The following KCND3 variants were observed in gnomAD, a reference collection of about 807,000 sequenced individuals.
KCND3 encodes A-type voltage-gated potassium channel KCND3.
Under a neutral mutation model 51.1 loss-of-function variants are expected in KCND3, and 9 were observed. That is an observed-to-expected ratio of 0.18 (90% CI 0.11 to 0.31). KCND3 has a LOEUF of 0.31. Among genes scored for constraint, KCND3 ranks in the 10% least tolerant of loss-of-function variants. The pLI is 1.00. For synonymous variants in KCND3, 349 were observed against 368.0 expected (o/e 0.95, Z 0.59); for missense variants, 526 against 903.8 (o/e 0.58, Z 5.36).
intron 2 of KCND3, among the ~76,000 whole-genome samples, chr1:111,888,459 G>A (rs1669666873): frequency 6.6e-6 from 1 of 152,186 alleles, no homozygotes; most frequent in Admixed American, 6.5e-5. Flanking sequence ...GCCAAGGCGG[G>A]TGGATCACCT....
In KCND3 at chr1:111,926,061, G is replaced by A. The variant is rs146079319; in HGVS notation, c.1106+55560C>T. 2.6e-5 allele frequency among the ~76,000 whole-genome samples: 4 copies of A among 152,280 alleles called. No homozygotes were observed. The East Asian group carries it at 7.7e-4, about 29-fold the overall frequency. The stretch of plus-strand genomic sequence containing the variant: ...AGAAACAATTATGCATACCATTAAG[G>A]ATGTTATCAGGGTAACTTTGCAGTG... On this transcript the variant is annotated intron_variant, in intron 2 of 7. Coordinates refer to ENST00000302127, the MANE Select transcript of KCND3 (RefSeq NM_001378969.1).
chr1:111,804,283 A>C (rs1557946811), intron 2 of KCND3, among the ~76,000 whole-genome samples: 3 of 152,146 alleles, frequency 2.0e-5, no homozygotes, highest in Non-Finnish European at 4.4e-5. Context: ...GTCAATATTT[A>C]GTTTAATTTA....
chr1:111,838,368 A>G (rs983338427), intron 2 of KCND3, among the ~76,000 whole-genome samples: 1 of 152,202 alleles, frequency 6.6e-6, no homozygotes, highest in African/African-American at 2.4e-5. Context: ...CATGGCTTCT[A>G]TCTTTTACTG....
intron 2 of KCND3, among the ~76,000 whole-genome samples, chr1:111,806,978 T>C (rs139272848): frequency 2.1e-3 from 326 of 152,318 alleles, no homozygotes; most frequent in African/African-American, 7.5e-3. Flanking sequence ...GAATTTGGAT[T>C]AAGGAATTTG....
chr1:111,970,506 C>T (rs557614732), intron 2 of KCND3, among the ~76,000 whole-genome samples: 1 of 152,324 alleles, frequency 6.6e-6, no homozygotes, highest in South Asian at 2.1e-4. Context: ...CCACCTCCTC[C>T]AAGAAGCCTT....
At chr1:111,967,010 C>G (rs184575394) in intron 2 of KCND3, among the ~76,000 whole-genome samples, 1 of 151,906 alleles carries the variant, frequency 6.6e-6, no homozygotes, top group African/African-American at 2.4e-5. Context: ...CATGGTAGCG[C>G]ATGCCTGTAA....
chr1:111,775,884 G>T lies in KCND3; in HGVS notation c.*193C>A. Reference sequence around the variant, plus strand: ...TGCAGTATCACAGGGCTATGTCCACGCTAGCAGCGTGAACCTCAGGTGCCC... The same window carrying T: ...TGCAGTATCACAGGGCTATGTCCACTCTAGCAGCGTGAACCTCAGGTGCCC... On this transcript the variant is annotated 3_prime_UTR_variant, in exon 8 of 8. Coordinates refer to ENST00000302127, the MANE Select transcript of KCND3 (RefSeq NM_001378969.1). The T allele has an allele frequency of 2.1e-6, 1 of 467,056 alleles. No individual in the cohort carries two copies. The highest frequency in any genetic ancestry group is 4.9e-5 in the East Asian group (1 of 20,480). The allele number at this position is 467,056 out of a possible 1,614,324, so 28.9% of individuals were successfully genotyped here. A position where few individuals can be genotyped will look rare whatever the true frequency, so the allele number is the denominator to read the frequency against.
chr1:111,812,131 C>T (rs2101575861), intron 2 of KCND3, among the ~76,000 whole-genome samples: 1 of 152,292 alleles, frequency 6.6e-6, no homozygotes, highest in Non-Finnish European at 1.5e-5. Flanking sequence ...CTGGTAGATG[C>T]TCAGTGAGCA....
intron 1 of KCND3, among the ~76,000 whole-genome samples, chr1:111,988,345 G>C (rs1273633390): frequency 6.6e-6 from 1 of 152,118 alleles, no homozygotes; most frequent in Non-Finnish European, 1.5e-5. Context: ...CCACTCCTAG[G>C]CTAGCCAGGG....
At chr1:111,824,223 C>T (rs1288855405) in intron 2 of KCND3, among the ~76,000 whole-genome samples, 1 of 151,958 alleles carries the variant, frequency 6.6e-6, no homozygotes, top group Non-Finnish European at 1.5e-5. Flanking sequence ...ACTGACAGCT[C>T]CACGTGGAGA....
chr1:111,828,471 TAGGCCAG>T (rs1426598713), intron 2 of KCND3, among the ~76,000 whole-genome samples: 1 of 151,882 alleles, frequency 6.6e-6, no homozygotes, highest in East Asian at 1.9e-4. Flanking sequence ...TTGCCCTAGT[TAGGCCAG>T]ATTCCTCACT....
chr1:111,905,723 A>G (rs1384817860), intron 2 of KCND3, among the ~76,000 whole-genome samples: 4 of 152,214 alleles, frequency 2.6e-5, no homozygotes. Context: ...CACATGGTCC[A>G]GTGAGTCTCA....
rs987195846 is a variant in KCND3, at chr1:111,973,593, T to C, written c.1106+8028A>G. Reference sequence around the variant, plus strand: ...ATTTTGCAGTGATAGCTAGATAATGTAGGGGGGAAGTTCCCCTTTTCCACT... The same window carrying C: ...ATTTTGCAGTGATAGCTAGATAATGCAGGGGGGAAGTTCCCCTTTTCCACT... On this transcript the variant is annotated intron_variant, in intron 2 of 7. Coordinates refer to ENST00000302127, the MANE Select transcript of KCND3 (RefSeq NM_001378969.1). 8.5e-5 allele frequency among the ~76,000 whole-genome samples: 13 copies of C among 152,176 alleles called. No homozygotes were observed. The South Asian group carries it at 2.7e-3, about 32-fold the overall frequency.
At chr1:111,887,838 G>A (rs1457593528) in intron 2 of KCND3, among the ~76,000 whole-genome samples, 1 of 152,228 alleles carries the variant, frequency 6.6e-6, no homozygotes, top group Non-Finnish European at 1.5e-5. Flanking sequence ...CTTGTCATTT[G>A]GAGAGGGCTC....
intron 2 of KCND3, among the ~76,000 whole-genome samples, chr1:111,942,135 A>G (rs1377960867): frequency 6.6e-6 from 1 of 152,228 alleles, no homozygotes; most frequent in Non-Finnish European, 1.5e-5. Flanking sequence ...GCACATGTTC[A>G]TTGGGCATGT....
chr1:111,783,171 T>C (rs909834734), intron 3 of KCND3, among the ~76,000 whole-genome samples: 1 of 144,566 alleles, frequency 6.9e-6, no homozygotes, highest in Admixed American at 7.0e-5. Context: ...AAAAGAGAGC[T>C]TGGAGATCAT....
rs749556365 is a variant in KCND3, at chr1:111,982,266, T to G, written c.461A>C (p.Glu154Ala). 1 of 1,614,126 alleles carries G rather than the reference T, an allele frequency of 6.2e-7. No individual in the cohort carries two copies. The highest frequency in any genetic ancestry group is 8.5e-7 in the Non-Finnish European group (1 of 1,180,016). ...CGAGGGCATGGACTCCTGGTTGTTCTCCGAGTCGTTGTCGTCCATGAGCCG... is the reference window on the plus strand; with the variant it reads ...CGAGGGCATGGACTCCTGGTTGTTCGCCGAGTCGTTGTCGTCCATGAGCCG... The part of the protein sequence containing the change: ...AERLMDDNDS[E>A]NNQESMPSLS... Residue 154 changes from glutamate (E) to alanine (A), a missense_variant, in exon 2 of 8, where the codon GAG becomes GCG. Transcript: ENST00000302127. This position sits in a 1 kb window ranked among gnomAD's most constrained non-coding sequence, Gnocchi z 8.5.
At chr1:111,778,396 CA>C in intron 6 of KCND3, 39 bp downstream of exon 6, 1 of 1,575,144 alleles carries the variant, frequency 6.3e-7, no homozygotes, top group Non-Finnish European at 8.7e-7. Context: ...TCAGAATTAT[CA>C]GAGAGAAAAA....
intron 2 of KCND3, among the ~76,000 whole-genome samples, chr1:111,828,779 C>G (rs1370686961): frequency 6.6e-6 from 1 of 152,202 alleles, no homozygotes; most frequent in African/African-American, 2.4e-5. Flanking sequence ...GTCCATTAGC[C>G]ACCCCAGCCA....
Sources: gnomAD v4.1 joint callset for allele counts (sites outside exome capture counted in the v4.1 genomes callset) on GRCh38, gnomAD v4.1.1 for gene constraint, Gnocchi (gnomAD v3.1) non-coding constraint, MANE v1.5 for transcripts, NCBI Gene and HGNC (gene_info 2026-07-23, HGNC 2026-07-21) for gene names.